Variants in ZNF575 observed in about 807,000 individuals in gnomAD.
ZNF575 encodes zinc finger protein 575.
A neutral mutation model predicts 17.5 loss-of-function variants in ZNF575; 17 were observed. That is an observed-to-expected ratio of 0.97 (90% CI 0.66 to 1.45). The LOEUF (loss-of-function observed/expected upper bound fraction) is 1.45, where lower values mean the gene tolerates loss of function less well. Among genes scored for constraint, ZNF575 ranks in the 40% most tolerant of loss-of-function variants. The pLI is 0.00. For missense variants in ZNF575, 352 were observed against 359.2 expected (o/e 0.98, Z 0.16); for synonymous variants, 146 against 158.3 (o/e 0.92, Z 0.58).
chr19:43,532,644 G>A (rs553378244), upstream of ZNF575, among the ~76,000 whole-genome samples: 7 of 152,110 alleles, frequency 4.6e-5, no homozygotes, highest in Non-Finnish European at 8.8e-5. Context: ...GCGGGTTATC[G>A]GACTGAGACC....
Position 43,535,193 on chromosome 19 carries a change from C to T in ZNF575, c.244C>T (p.Arg82Cys), listed in dbSNP as rs1167991571. ...GTACCCGTCCAAGCTGGCCACGCAC[C>T]GCTTAGCACACGGAGGCGCCCGACC... ...FSYPSKLATH[R>C]LAHGGARPHP... The change falls in exon 4 of 4, where the codon CGC (arginine) becomes TGC (cysteine). Residue 82 changes from arginine to cysteine, a missense_variant. Arg to Cys is a radical substitution (Grantham distance 180). Coordinates refer to ENST00000314228, the MANE Select transcript of ZNF575 (RefSeq NM_174945.3). The T allele has an allele frequency of 7.5e-6, 12 of 1,609,938 alleles. No individual in the cohort carries two copies. Among genetic ancestry groups the T allele is most frequent in the Non-Finnish European group, 1.0e-5 (12 of 1,178,428 alleles).
upstream of ZNF575, among the ~76,000 whole-genome samples, chr19:43,531,521 G>T (rs910000446): frequency 3.3e-5 from 5 of 152,018 alleles, no homozygotes; most frequent in Non-Finnish European, 1.5e-5. Context: ...GGCAGAGGTT[G>T]CAGTGAGCCA....
At position 43,535,066 on chromosome 19, in the gene ZNF575, A is replaced by G; in HGVS notation, c.117A>G (p.Ser39=). 6.7e-7 allele frequency: 1 copy of G among 1,485,482 alleles called. No individual in the cohort carries two copies. Among genetic ancestry groups the G allele is most frequent in the Non-Finnish European group, 8.9e-7 (1 of 1,127,342 alleles). The allele number at this position is 1,485,482 out of a possible 1,614,324, so 92.0% of individuals were successfully genotyped here. A position where few individuals can be genotyped will look rare whatever the true frequency, so the allele number is the denominator to read the frequency against. Residue 39 remains serine (S), a synonymous_variant, in exon 4 of 4, where the codon TCA becomes TCG. Coordinates refer to ENST00000314228, the MANE Select transcript of ZNF575 (RefSeq NM_174945.3). ...HQGPPQKPSQ[S]APGPTASAGS... is the part of the protein sequence containing the mutation. ...GCCCACCGCAGAAGCCCAGCCAGTC[A>G]GCTCCAGGGCCCACCGCGTCCGCGG...
At chr19:43,534,535 C>T (rs2146032270) in intron 3 of ZNF575, 34 bp downstream of exon 3, 1 of 1,409,218 alleles carries the variant, frequency 7.1e-7, no homozygotes. Flanking sequence ...AGGGAGCATT[C>T]TCCAGGAACG....
upstream of ZNF575, chr19:43,531,682 G>T: frequency 4.4e-6 from 2 of 459,512 alleles, no homozygotes; most frequent in Non-Finnish European, 3.9e-6. Flanking sequence ...GTAATAAAAA[G>T]ATATTTATGA....
rs773428640 is a variant in ZNF575, at chr19:43,535,885, A to G, written c.*198A>G. On this transcript the variant is annotated 3_prime_UTR_variant, in exon 4 of 4. Coordinates refer to ENST00000314228, the MANE Select transcript of ZNF575 (RefSeq NM_174945.3). Reference sequence around the variant, plus strand: ...CCCTGCTTTGGGGAGATCTCAAACCATGGACGTGGAGCTGTGGTTTGACAG... The same window carrying G: ...CCCTGCTTTGGGGAGATCTCAAACCGTGGACGTGGAGCTGTGGTTTGACAG... 118 of 621,218 alleles carry G rather than the reference A, an allele frequency of 1.9e-4. No homozygotes were observed. Among genetic ancestry groups the G allele is most frequent in the African/African-American group, 2.8e-4 (15 of 54,378 alleles). 38.5% of individuals were successfully genotyped at this position (621,218 alleles called of 1,614,324 possible).
chr19:43,534,365 G>C lies in ZNF575; in HGVS notation c.-58G>C. 6.7e-7 allele frequency: 1 copy of C among 1,498,904 alleles called. No homozygotes were observed. The highest frequency in any genetic ancestry group is 9.0e-7 in the Non-Finnish European group (1 of 1,105,746). The allele number at this position is 1,498,904 out of a possible 1,614,324, so 92.9% of individuals were successfully genotyped here. On this transcript the variant is annotated 5_prime_UTR_variant, in exon 3 of 4. Coordinates refer to ENST00000314228, the MANE Select transcript of ZNF575 (RefSeq NM_174945.3). ...CTCCAACCCTATCCCCATCAGCCTG[G>C]TCATCACCGGCGTCACCCCCGCCCC...
chr19:43,535,104 G>C lies in ZNF575; in HGVS notation c.155G>C (p.Arg52Pro). ...GPTASAGSPP[R>P]PRRRPPPQRP... ...ACCGCGTCCGCGGGCTCGCCTCCCC[G>C]GCCTCGCCGGCGGCCCCCGCCCCAG... Residue 52 changes from arginine to proline, a missense_variant, in exon 4 of 4, where the codon CGG becomes CCG. By Grantham distance (103) the Arg-to-Pro change is moderately radical. Transcript: ENST00000314228. The C allele has an allele frequency of 6.6e-7, 1 of 1,512,808 alleles. No homozygotes were observed. The highest frequency in any genetic ancestry group is 8.8e-7 in the Non-Finnish European group (1 of 1,136,036). The allele number at this position is 1,512,808 out of a possible 1,614,324, so 93.7% of individuals were successfully genotyped here.
In ZNF575 at chr19:43,535,364, T is replaced by C. The variant is rs1972402138; in HGVS notation, c.415T>C (p.Trp139Arg). The change falls in exon 4 of 4, where the codon TGG becomes CGG. Residue 139 changes from tryptophan to arginine, a missense_variant. Transcript: ENST00000314228. ...CCGCTCCAAGCTGGCGGCTCACCTC[T>C]GGACCCACGCACCCACCCGCCCCTA... ...GHRSKLAAHL[W>R]THAPTRPYPC... is the part of the protein sequence containing the mutation. 1 of 1,583,666 alleles carries C rather than the reference T, an allele frequency of 6.3e-7. No individual in the cohort carries two copies. Among genetic ancestry groups the C allele is most frequent in the Non-Finnish European group, 8.6e-7 (1 of 1,161,148 alleles).
At position 43,535,521 on chromosome 19, in the gene ZNF575, A is replaced by G. The variant is rs1246952853; in HGVS notation, c.572A>G (p.Lys191Arg). 1 of 1,613,880 alleles carries G rather than the reference A, an allele frequency of 6.2e-7. No individual in the cohort carries two copies. Among genetic ancestry groups the G allele is most frequent in the African/African-American group, 1.3e-5 (1 of 75,004 alleles). Residue 191 changes from lysine (K) to arginine (R), a missense_variant, in exon 4 of 4, where the codon AAG becomes AGG. Physicochemically the swap from Lys to Arg is conservative, Grantham distance 26. Coordinates refer to ENST00000314228, the MANE Select transcript of ZNF575 (RefSeq NM_174945.3). ...HCPKAFSFPS[K>R]LAAHRLCHDP... ...CCCAAGGCTTTCTCATTTCCCTCCAAGCTGGCCGCCCATCGCCTATGTCAC... is the reference window on the plus strand; with the variant it reads ...CCCAAGGCTTTCTCATTTCCCTCCAGGCTGGCCGCCCATCGCCTATGTCAC...
chr19:43,531,679 A>G (rs1022889360), upstream of ZNF575: 2 of 458,178 alleles, frequency 4.4e-6, no homozygotes, highest in African/African-American at 4.1e-5. Context: ...AGTGTAATAA[A>G]AAGATATTTA....
chr19:43,535,985 T>C lies in ZNF575; in HGVS notation c.*298T>C, dbSNP rs927364896. The C allele has an allele frequency of 7.8e-6, 3 of 385,634 alleles. No homozygotes were observed. Among genetic ancestry groups the C allele is most frequent in the Non-Finnish European group, 1.4e-5 (3 of 212,638 alleles). 23.9% of individuals were successfully genotyped at this position (385,634 alleles called of 1,614,324 possible). A position where few individuals can be genotyped will look rare whatever the true frequency, so the allele number is the denominator to read the frequency against. ...TGCTACTATCGTGGGTTGATGAGGA[T>C]TGTGGGCAAACAGGCTCTCTTGTTA... On this transcript the variant is annotated 3_prime_UTR_variant, in exon 4 of 4. Transcript: ENST00000314228.
upstream of ZNF575, chr19:43,531,941 A>ATTTTTTTT (rs1972349585): frequency 3.5e-5 from 6 of 173,096 alleles, no homozygotes; most frequent in South Asian, 1.6e-4. Flanking sequence ...ATTAAGCCAG[A>ATTTTTTTT]CTTTTTTTTT....
At chr19:43,534,667 G>C (rs112204749) in intron 3 of ZNF575, among the ~76,000 whole-genome samples, 166 bp downstream of exon 3, 7 of 152,346 alleles carry the variant, frequency 4.6e-5, no homozygotes, top group African/African-American at 1.7e-4. Context: ...TTGGCTCAGA[G>C]AGAGCCTCAG....
In ZNF575 at chr19:43,533,259, C is replaced by G. The variant is rs936723789; in HGVS notation, c.-457C>G. On this transcript the variant is annotated 5_prime_UTR_variant, in exon 1 of 4. Transcript: ENST00000314228. ...GCCCCTCCTTCCATTCCTTCTTCCC[C>G]CTCTCTGCAGCCTCTGCCAGCCCGC... 2.6e-5 allele frequency: 4 copies of G among 152,436 alleles called. No homozygotes were observed. Among genetic ancestry groups the G allele is most frequent in the East Asian group, 1.9e-4 (1 of 5,200 alleles). The allele number at this position is 152,436 out of a possible 1,614,324, so 9.4% of individuals were successfully genotyped here.
chr19:43,531,743 G>A (rs1323491037), upstream of ZNF575: 4 of 566,812 alleles, frequency 7.1e-6, no homozygotes, highest in African/African-American at 1.9e-5. Context: ...GAGTGGATGG[G>A]GGGTAAATCA....
upstream of ZNF575, chr19:43,533,116 T>C (rs1972362546): frequency 6.6e-6 from 1 of 152,194 alleles, no homozygotes; most frequent in Non-Finnish European, 1.5e-5. Flanking sequence ...TCCATGTTAG[T>C]CTTGTACATG....
Position 43,534,441 on chromosome 19 carries a change from G to T in ZNF575, c.19G>T (p.Glu7Ter). The T allele has an allele frequency of 1.9e-6, 3 of 1,554,514 alleles. No individual in the cohort carries two copies. The highest frequency in any genetic ancestry group is 2.6e-6 in the Non-Finnish European group (3 of 1,151,352). ...CAGCAAGATGCTGGAGCGAGGCGCG[G>T]AGTCCGCGGCCGGGGCTACCGATCC... is the stretch of plus-strand genomic sequence containing the variant. The part of the protein sequence containing the change: MLERGA[E>*]SAAGATDPSP... Residue 7 changes from glutamate to a stop codon, truncating the protein, a stop_gained, in exon 3 of 4, where the codon GAG becomes TAG. Coordinates refer to ENST00000314228, the MANE Select transcript of ZNF575 (RefSeq NM_174945.3). LOFTEE classifies it high-confidence loss of function.
rs750975707 is a variant in ZNF575, at chr19:43,534,352, C to T, written c.-71C>T. ...CTCATTTTAGGCCCTCCAACCCTAT[C>T]CCCATCAGCCTGGTCATCACCGGCG... On this transcript the variant is annotated 5_prime_UTR_variant, in exon 3 of 4. Transcript: ENST00000314228. 8 of 1,426,254 alleles carry T rather than the reference C, an allele frequency of 5.6e-6. No homozygotes were observed. The East Asian group carries it at 2.1e-4, about 37-fold the overall frequency. The allele number at this position is 1,426,254 out of a possible 1,614,324, so 88.3% of individuals were successfully genotyped here. A position where few individuals can be genotyped will look rare whatever the true frequency, so the allele number is the denominator to read the frequency against.
Sources: gnomAD v4.1 joint callset for allele counts (sites outside exome capture counted in the v4.1 genomes callset) on GRCh38, gnomAD v4.1.1 for gene constraint, MANE v1.5 for transcripts, NCBI Gene and HGNC (gene_info 2026-07-23, HGNC 2026-07-21) for gene names.